The following SEMA4A variants were observed in gnomAD, a reference collection of about 807,000 sequenced individuals.
SEMA4A encodes semaphorin 4A.
A neutral mutation model predicts 72.5 loss-of-function variants in SEMA4A; 52 were observed. The ratio of observed to expected loss-of-function variants is 0.72; its 90% CI spans 0.57 to 0.90. The LOEUF (loss-of-function observed/expected upper bound fraction) is 0.90, where lower values mean the gene tolerates loss of function less well. SEMA4A is among the 40% of genes least tolerant of loss of function. The pLI is 0.00. For missense variants in SEMA4A, 926 were observed against 959.7 expected, an observed-to-expected ratio of 0.96 and a Z score of 0.46; for synonymous variants, 369 against 393.1, an observed-to-expected ratio of 0.94 and a Z score of 0.73.
upstream of SEMA4A, among the ~76,000 whole-genome samples, chr1:156,152,711 C>T (rs918749551): frequency 3.3e-5 from 5 of 152,184 alleles, no homozygotes; most frequent in Admixed American, 6.5e-5. Context: ...GTAACATCCC[C>T]CATGTTGGCT....
chr1:156,160,753 T>C (rs981892990), intron 7 of SEMA4A, 152 bp from the exon 8 acceptor site: 106 of 1,184,650 alleles, frequency 8.9e-5, no homozygotes, highest in Admixed American at 1.4e-4. Flanking sequence ...GTACCAGTCA[T>C]CCCCACCCCA....
At chr1:156,167,401 G>A (rs1213164914) in intron 10 of SEMA4A, among the ~76,000 whole-genome samples, 1 of 147,476 alleles carries the variant, frequency 6.8e-6, no homozygotes, top group African/African-American at 2.5e-5. Context: ...GAAGTAGGAG[G>A]ATCACTTGAG....
rs776673568 is a variant in SEMA4A, at chr1:156,177,165, G to C, written c.*168G>C. The C allele has an allele frequency of 4.0e-5, 28 of 708,242 alleles. No individual in the cohort carries two copies. Among genetic ancestry groups the C allele is most frequent in the Non-Finnish European group, 6.0e-5 (24 of 399,226 alleles). 43.9% of individuals were successfully genotyped at this position (708,242 alleles called of 1,614,324 possible). On this transcript the variant is annotated 3_prime_UTR_variant, in exon 15 of 15. Coordinates refer to ENST00000368285, the MANE Select transcript of SEMA4A (RefSeq NM_022367.4). ...ATGACACTCAGCAGGGTGATGCACA[G>C]CAGTCTGCCTCCCCTATGGGACTCC... is the stretch of plus-strand genomic sequence containing the variant.
At chr1:156,159,522 G>A (rs1318016570) in intron 6 of SEMA4A, among the ~76,000 whole-genome samples, 1 of 152,180 alleles carries the variant, frequency 6.6e-6, no homozygotes, top group Non-Finnish European at 1.5e-5. Context: ...GTATTGGGTA[G>A]AGAAGAGGCC....
At chr1:156,164,593 A>G (rs1476569400) in intron 10 of SEMA4A, among the ~76,000 whole-genome samples, 1 of 152,188 alleles carries the variant, frequency 6.6e-6, no homozygotes, top group African/African-American at 2.4e-5. Flanking sequence ...GGACCAACAT[A>G]CAGTAACTGC....
chr1:156,149,735 G>A (rs527993552), upstream of SEMA4A: 1 of 152,474 alleles, frequency 6.6e-6, no homozygotes, highest in African/African-American at 2.4e-5. Context: ...CCTGAACCCA[G>A]GTGGTGACAT....
intron 1 of SEMA4A, chr1:156,154,268 G>A (rs557341517): frequency 8.1e-5 from 34 of 422,076 alleles, no homozygotes; most frequent in African/African-American, 5.9e-4. Context: ...GGCAAAAAAA[G>A]GCAAACCAGA....
At position 156,158,435 on chromosome 1, in the gene SEMA4A, C is replaced by T. The variant is rs1217968557; in HGVS notation, c.411C>T (p.Thr137=). 2 of 1,614,042 alleles carry T rather than the reference C, an allele frequency of 1.2e-6. No homozygotes were observed. The highest frequency in any genetic ancestry group is 1.7e-6 in the Non-Finnish European group (2 of 1,179,970). The part of the protein sequence containing the change: ...FIRVLVSYNV[T]HLYTCGTFAF... ...GTGTCCTGGTTTCTTACAATGTCAC[C>T]CATCTCTACACCTGCGGCACCTTCG... Residue 137 remains threonine, a synonymous_variant, in exon 5 of 15, where the codon ACC becomes ACT. Coordinates refer to ENST00000368285, the MANE Select transcript of SEMA4A (RefSeq NM_022367.4).
chr1:156,148,297 C>G (rs900402015), upstream of SEMA4A, among the ~76,000 whole-genome samples: 3 of 152,080 alleles, frequency 2.0e-5, no homozygotes, highest in Admixed American at 2.0e-4. Flanking sequence ...TCATGTGTCC[C>G]AGTCCCAGGG....
Position 156,176,593 on chromosome 1 carries a change from G to A in SEMA4A, c.1882G>A (p.Glu628Lys). The A allele has an allele frequency of 6.2e-7, 1 of 1,614,158 alleles. No individual in the cohort carries two copies. The highest frequency in any genetic ancestry group is 8.5e-7 in the Non-Finnish European group (1 of 1,180,030). ...VGGLYQCWAT[E>K]NGFSYPVISY... Reference sequence around the variant, plus strand: ...GGGTCTCTACCAGTGCTGGGCAACTGAGAATGGCTTTTCATACCCTGTGAT... The same window carrying A: ...GGGTCTCTACCAGTGCTGGGCAACTAAGAATGGCTTTTCATACCCTGTGAT... The change falls in exon 15 of 15, where the codon GAG becomes AAG. Residue 628 changes from glutamate (E) to lysine (K), a missense_variant. Transcript: ENST00000368285.
Position 156,176,580 on chromosome 1 carries a change from G to A in SEMA4A, c.1869G>A (p.Gln623=), listed in dbSNP as rs1655358082. The A allele has an allele frequency of 6.2e-7, 1 of 1,614,052 alleles. No individual in the cohort carries two copies. Among genetic ancestry groups the A allele is most frequent in the Admixed American group, 1.7e-5 (1 of 59,988 alleles). The change falls in exon 15 of 15, where the codon CAG becomes CAA. Residue 623 remains glutamine (Q), a synonymous_variant. Transcript: ENST00000368285. ...AGGATGGAGTTGGGGGTCTCTACCA[G>A]TGCTGGGCAACTGAGAATGGCTTTT... ...IVQDGVGGLY[Q]CWATENGFSY... is the part of the protein sequence containing the mutation.
At position 156,174,892 on chromosome 1, in the gene SEMA4A, G is replaced by A. The variant is rs747036617; in HGVS notation, c.1386G>A (p.Leu462=). The part of the protein sequence containing the change: ...SSAHLVEEIQ[L]FPDPEPVRNL... ...CTCATCTGGTGGAAGAGATTCAGCT[G>A]TTCCCTGACCCTGAACCTGTTCGCA... Residue 462 remains leucine, a synonymous_variant, in exon 12 of 15, where the codon CTG becomes CTA. Coordinates refer to ENST00000368285, the MANE Select transcript of SEMA4A (RefSeq NM_022367.4). 57 of 1,614,094 alleles carry A rather than the reference G, an allele frequency of 3.5e-5. No homozygotes were observed. Among genetic ancestry groups the A allele is most frequent in the Non-Finnish European group, 1.9e-5 (22 of 1,180,038 alleles).
intron 7 of SEMA4A, 142 bp downstream of exon 7, chr1:156,160,701 G>T: frequency 9.7e-7 from 1 of 1,035,600 alleles, no homozygotes; most frequent in Non-Finnish European, 1.5e-6. Context: ...GCAAAGCTCC[G>T]GTTCTCTTGA....
intron 10 of SEMA4A, among the ~76,000 whole-genome samples, chr1:156,165,340 C>T (rs1654057489): frequency 6.6e-6 from 1 of 152,000 alleles, no homozygotes; most frequent in African/African-American, 2.4e-5. Flanking sequence ...TTCTTGTGTC[C>T]CATGGCTTCC....
intron 2 of SEMA4A, chr1:156,155,507 T>A (rs1302767931): frequency 1.3e-5 from 2 of 152,606 alleles, no homozygotes; most frequent in African/African-American, 4.8e-5. Context: ...AATCAGACCA[T>A]CAATACAGGG....
At chr1:156,149,096 C>G (rs570721126), upstream of SEMA4A, among the ~76,000 whole-genome samples, 11 of 152,328 alleles carry the variant, frequency 7.2e-5, no homozygotes, top group Non-Finnish European at 1.5e-4. Context: ...GCCACCGCAC[C>G]CAGCCGGAAG....
Position 156,154,598 on chromosome 1 carries a change from G to T in SEMA4A, c.20G>T (p.Gly7Val). 1.9e-5 allele frequency: 30 copies of T among 1,610,834 alleles called. No individual in the cohort carries two copies. Among genetic ancestry groups the T allele is most frequent in the Non-Finnish European group, 2.5e-5 (29 of 1,179,374 alleles). ...CTGAGCATGGCCCTCCCAGCCCTGGGCCTGGACCCCTGGAGCCTCCTGGGC... is the reference window on the plus strand; with the variant it reads ...CTGAGCATGGCCCTCCCAGCCCTGGTCCTGGACCCCTGGAGCCTCCTGGGC... MALPALGLDPWSLLGLF... is the reference protein window; with the variant it reads MALPALVLDPWSLLGLF... Residue 7 changes from glycine (G) to valine (V), a missense_variant, in exon 2 of 15, where the codon GGC (glycine) becomes GTC (valine). Gly to Val is a moderately radical substitution (Grantham distance 109, BLOSUM62 -3). Transcript: ENST00000368285.
chr1:156,176,894 C>T lies in SEMA4A; in HGVS notation c.2183C>T (p.Ala728Val), dbSNP rs1482375362. ...GAGACCCTGCGCCCTGGGGAGAAGGCCCCGTTAAGCAGAGAGCAACACCTC... is the reference window on the plus strand; with the variant it reads ...GAGACCCTGCGCCCTGGGGAGAAGGTCCCGTTAAGCAGAGAGCAACACCTC... ...GCETLRPGEK[A>V]PLSREQHLQS... is the part of the protein sequence containing the mutation. The change falls in exon 15 of 15, where the codon GCC becomes GTC. Residue 728 changes from alanine to valine, a missense_variant. By Grantham distance (64) the Ala-to-Val change is moderately conservative. Transcript: ENST00000368285. 5 of 1,614,122 alleles carry T rather than the reference C, an allele frequency of 3.1e-6. No individual in the cohort carries two copies. Among genetic ancestry groups the T allele is most frequent in the Non-Finnish European group, 4.2e-6 (5 of 1,180,030 alleles).
chr1:156,168,565 T>C lies in SEMA4A; in HGVS notation c.1135-4261T>C, dbSNP rs148715824. 3.2e-3 allele frequency among the ~76,000 whole-genome samples: 493 copies of C among 152,156 alleles called. 2 individuals carry two copies. The highest frequency in any genetic ancestry group is 0.011 in the African/African-American group (453 of 41,528). On this transcript the variant is annotated intron_variant, in intron 10 of 14. Transcript: ENST00000368285. ...GTTCTTCTTCTTCTTCTTTTTTTTTTCCCCTATTTGTTTATTTTGGTTTCC... is the reference window on the plus strand; with the variant it reads ...GTTCTTCTTCTTCTTCTTTTTTTTTCCCCCTATTTGTTTATTTTGGTTTCC...
Sources: gnomAD v4.1 joint callset for allele counts (sites outside exome capture counted in the v4.1 genomes callset) on GRCh38, gnomAD v4.1.1 for gene constraint, MANE v1.5 for transcripts, NCBI Gene and HGNC (gene_info 2026-07-23, HGNC 2026-07-21) for gene names.